Variants in IL1RAPL1 observed in about 807,000 individuals in gnomAD.
IL1RAPL1 encodes the protein interleukin 1 receptor accessory protein like 1.
A neutral mutation model predicts 48.4 loss-of-function variants in IL1RAPL1; 3 were observed. That is an observed-to-expected ratio of 0.06 (90% confidence interval 0.03 to 0.16). The LOEUF (loss-of-function observed/expected upper bound fraction) is 0.16. Among genes scored for constraint, IL1RAPL1 ranks in the 10% least tolerant of loss-of-function variants. The pLI is 1.00. For missense variants in IL1RAPL1, 349 were observed against 530.6 expected, an observed-to-expected ratio of 0.66 and a Z score of 3.36; for synonymous variants, 185 against 187.7, an observed-to-expected ratio of 0.99 and a Z score of 0.12.
chrX:29,120,059 C>T (rs1003690935), intron 2 of IL1RAPL1, among the ~76,000 whole-genome samples: 10 of 111,612 alleles, frequency 9.0e-5, no homozygotes, highest in Admixed American at 8.6e-4. Flanking sequence ...GAAAACAACT[C>T]AGACTCACTT....
At chrX:29,338,415 C>T (rs747213879) in intron 3 of IL1RAPL1, among the ~76,000 whole-genome samples, 4 of 112,021 alleles carry the variant, frequency 3.6e-5, no homozygotes, top group Non-Finnish European at 7.5e-5. Flanking sequence ...TCTTTGTTTA[C>T]GTAGTTGTTA....
intron 6 of IL1RAPL1, among the ~76,000 whole-genome samples, chrX:29,726,046 A>G (rs781744450): frequency 8.9e-6 from 1 of 112,316 alleles, no homozygotes; most frequent in South Asian, 3.7e-4. Flanking sequence ...TCACTGCTCT[A>G]TAATTTGGTG....
intron 6 of IL1RAPL1, among the ~76,000 whole-genome samples, chrX:29,723,317 C>T (rs779244079): frequency 1.8e-5 from 2 of 112,276 alleles, no homozygotes; most frequent in African/African-American, 3.2e-5. Flanking sequence ...GGTGCGATCT[C>T]GGCTCACTGC....
At chrX:29,883,923 TATG>T (rs1278993090) in intron 6 of IL1RAPL1, among the ~76,000 whole-genome samples, 1 of 112,198 alleles carries the variant, frequency 8.9e-6, no homozygotes, top group African/African-American at 3.2e-5. Flanking sequence ...ACTCTGCAAC[TATG>T]ATGAGATTGT....
chrX:28,954,881 T>C (rs1020920584), intron 2 of IL1RAPL1, among the ~76,000 whole-genome samples: 19 of 111,798 alleles, frequency 1.7e-4, no homozygotes, highest in African/African-American at 6.2e-4. Context: ...CCTTTCCTCA[T>C]TTACCCCCAC....
chrX:29,283,244 A>T (rs746372273), intron 3 of IL1RAPL1, 27 bp downstream of exon 3: 50 of 1,191,043 alleles, frequency 4.2e-5, no homozygotes, highest in Non-Finnish European at 5.5e-5. Context: ...ATTACTGCTG[A>T]ATCAAAGAAA....
chrX:29,110,716 G>A (rs1329792796), intron 2 of IL1RAPL1, among the ~76,000 whole-genome samples: 2 of 111,606 alleles, frequency 1.8e-5, no homozygotes, highest in Non-Finnish European at 3.8e-5. Flanking sequence ...CGAATGTAAC[G>A]CACATATGGG....
chrX:28,756,083 T>C (rs1245419146), intron 1 of IL1RAPL1, among the ~76,000 whole-genome samples: 1 of 111,692 alleles, frequency 9.0e-6, no homozygotes, highest in Admixed American at 9.6e-5. Flanking sequence ...ATTTATTTAA[T>C]CATTATGTAT....
intron 3 of IL1RAPL1, among the ~76,000 whole-genome samples, chrX:29,294,793 A>C (rs753683754): frequency 9.0e-6 from 1 of 111,539 alleles, no homozygotes; most frequent in Non-Finnish European, 1.9e-5. Flanking sequence ...TGTTATTAAC[A>C]AAGAAAAAGC....
At chrX:29,248,923 A>G (rs946191389) in intron 2 of IL1RAPL1, among the ~76,000 whole-genome samples, 9 of 112,313 alleles carry the variant, frequency 8.0e-5, no homozygotes, top group Middle Eastern at 9.2e-3. Context: ...TGACATATAC[A>G]TCAATGGAGG....
chrX:29,723,285 A>G (rs1927686105), intron 6 of IL1RAPL1, among the ~76,000 whole-genome samples: 1 of 112,374 alleles, frequency 8.9e-6, no homozygotes, highest in African/African-American at 3.2e-5. Context: ...GTCTTGCTCT[A>G]TGGCCCAGGC....
rs1356117341 is a variant in IL1RAPL1, at chrX:29,782,100, G to GTCTGTCTA, written c.778+113599_778+113600insGTCTATCT. Reference sequence around the variant, plus strand: ...TATCTGTCTGTCTGTCTGTCTGTCTGTCTATCTATCTATCTATCTATCTAT... The same window carrying GTCTGTCTA: ...TATCTGTCTGTCTGTCTGTCTGTCTGTCTGTCTATCTATCTATCTATCTATCTATCTAT... On this transcript the variant is annotated intron_variant, in intron 6 of 10. Coordinates refer to ENST00000378993, the MANE Select transcript of IL1RAPL1 (RefSeq NM_014271.4). 1.2e-3 allele frequency among the ~76,000 whole-genome samples: 97 copies of GTCTGTCTA among 84,005 alleles called. 1 individual carries two copies. The highest frequency in any genetic ancestry group is 3.2e-3 in the African/African-American group (70 of 21,714). 72.9% of individuals were successfully genotyped at this position (84,005 alleles called of 115,157 possible). A position where few individuals can be genotyped will look rare whatever the true frequency, so the allele number is the denominator to read the frequency against.
At chrX:29,678,675 T>C (rs13440991) in intron 6 of IL1RAPL1, among the ~76,000 whole-genome samples, 7,035 of 110,346 alleles carry the variant, frequency 0.064, 537 homozygotes, top group African/African-American at 0.22. Flanking sequence ...GCCAACACTA[T>C]TTTTTTAGAA....
chrX:28,973,410 G>A (rs6630797), intron 2 of IL1RAPL1, among the ~76,000 whole-genome samples: 4,748 of 112,014 alleles, frequency 0.042, 256 homozygotes, highest in East Asian at 0.36. Context: ...AATTTTGCAC[G>A]TGTTGGAATA....
chrX:28,981,763 A>T, intron 2 of IL1RAPL1, among the ~76,000 whole-genome samples: 1 of 111,672 alleles, frequency 9.0e-6, no homozygotes, highest in African/African-American at 3.3e-5. Context: ...CACGGCAGTT[A>T]GGAGAAGGAC....
chrX:28,832,614 T>C (rs112578080), intron 2 of IL1RAPL1, among the ~76,000 whole-genome samples: 1,995 of 110,781 alleles, frequency 0.018, 42 homozygotes, highest in African/African-American at 0.061. Context: ...TTTTGAAAAG[T>C]ACAGAGTTTT....
intron 2 of IL1RAPL1, among the ~76,000 whole-genome samples, chrX:28,883,036 T>C (rs1004419030): frequency 9.0e-6 from 1 of 111,624 alleles, no homozygotes; most frequent in Non-Finnish European, 1.9e-5. Flanking sequence ...AGATCTTTTA[T>C]GTGATTGAAG....
At chrX:28,867,693 G>T (rs1032810837) in intron 2 of IL1RAPL1, among the ~76,000 whole-genome samples, 2 of 111,867 alleles carry the variant, frequency 1.8e-5, no homozygotes, top group African/African-American at 6.5e-5. Context: ...ATAGGCCACT[G>T]TTCTGATGGA....
intron 2 of IL1RAPL1, among the ~76,000 whole-genome samples, chrX:28,987,245 T>C (rs1382079348): frequency 8.9e-6 from 1 of 112,380 alleles, no homozygotes; most frequent in African/African-American, 3.2e-5. Flanking sequence ...CCTGGATCTA[T>C]CAGAGATTGA....
Sources: gnomAD v4.1 joint callset for allele counts (sites outside exome capture counted in the v4.1 genomes callset) on GRCh38, gnomAD v4.1.1 for gene constraint, MANE v1.5 for transcripts, NCBI Gene and HGNC (gene_info 2026-07-23, HGNC 2026-07-21) for gene names.